TRIO: variants seen among roughly 807,000 people sequenced by gnomAD.
TRIO encodes triple functional domain protein.
TRIO carries 58 observed loss-of-function variants against 351.9 expected under a neutral mutation model. The observed-to-expected ratio is 0.16, with a 90% confidence interval of 0.13 to 0.21. The LOEUF (loss-of-function observed/expected upper bound fraction) is 0.21. Ranked by LOEUF, TRIO falls within the 10% of genes least tolerant of loss-of-function variation. TRIO has a pLI of 1.00. For synonymous variants in TRIO, 1,758 were observed against 1,595.7 expected, an observed-to-expected ratio of 1.10 and a Z score of -2.42; for missense variants, 3,201 against 4,027.8, an observed-to-expected ratio of 0.79 and a Z score of 5.56.
At chr5:14,211,964 C>CA (rs70964546) in intron 1 of TRIO, among the ~76,000 whole-genome samples, 118,205 of 148,258 alleles carry the variant, frequency 0.8, 47,842 homozygotes, top group East Asian at 0.98. Context: ...AAAAAAAAAC[C>CA]AAAAAAACAA....
chr5:14,423,544 G>T (rs1385624832), intron 34 of TRIO, among the ~76,000 whole-genome samples: 9 of 152,192 alleles, frequency 5.9e-5, no homozygotes, highest in African/African-American at 2.2e-4. Flanking sequence ...GCCCTACGCT[G>T]CCCTGCTTTT....
intron 34 of TRIO, among the ~76,000 whole-genome samples, chr5:14,449,176 G>A (rs189662628): frequency 6.6e-6 from 1 of 152,136 alleles, no homozygotes; most frequent in Admixed American, 6.5e-5. Context: ...TCTGCCAGGC[G>A]AGCCATCAAT....
intron 1 of TRIO, among the ~76,000 whole-genome samples, chr5:14,218,874 C>CT (rs1171969533): frequency 1.3e-5 from 2 of 152,262 alleles, no homozygotes; most frequent in Non-Finnish European, 2.9e-5. Flanking sequence ...CTGAAGAGGA[C>CT]TGGGATGTGG....
chr5:14,420,433 G>C (rs146600585), intron 34 of TRIO: 7 of 170,304 alleles, frequency 4.1e-5, no homozygotes, highest in African/African-American at 1.7e-4. Flanking sequence ...AACAGCTACT[G>C]AGTAGTTCTC....
intron 34 of TRIO, among the ~76,000 whole-genome samples, chr5:14,442,224 C>G (rs1027807251): frequency 6.6e-6 from 1 of 152,340 alleles, no homozygotes; most frequent in South Asian, 2.1e-4. Context: ...TGTTTGCCTT[C>G]ACTTTCTTGT....
At chr5:14,331,734 G>A (rs1035811642) in intron 10 of TRIO, among the ~76,000 whole-genome samples, 6 of 152,032 alleles carry the variant, frequency 3.9e-5, no homozygotes, top group African/African-American at 1.2e-4. Flanking sequence ...GGAAGCACTT[G>A]GATCCATTTT....
intron 21 of TRIO, 73 bp downstream of exon 21, chr5:14,381,325 A>G: frequency 4.7e-6 from 7 of 1,499,958 alleles, no homozygotes; most frequent in Non-Finnish European, 6.2e-6. Context: ...ATAAAGAAAT[A>G]CCTCATGAGA....
chr5:14,221,746 C>G (rs1290282392), intron 1 of TRIO, among the ~76,000 whole-genome samples: 48 of 151,916 alleles, frequency 3.2e-4, no homozygotes, highest in Admixed American at 3.1e-3. Context: ...CATGAATGAG[C>G]AAAGAAAGTG....
intron 34 of TRIO, among the ~76,000 whole-genome samples, chr5:14,458,017 T>G (rs1753492931): frequency 6.6e-6 from 1 of 152,150 alleles, no homozygotes; most frequent in African/African-American, 2.4e-5. Context: ...TGATTTCATT[T>G]TACTAAAATA....
Position 14,419,934 on chromosome 5 carries a change from G to A in TRIO, c.5116G>A (p.Ala1706Thr). 1 of 1,614,220 alleles carries A rather than the reference G, an allele frequency of 6.2e-7. No individual in the cohort carries two copies. Among genetic ancestry groups the A allele is most frequent in the Non-Finnish European group, 8.5e-7 (1 of 1,180,014 alleles). ...CLVRTTDRSP[A>T]AEGLVPCGSL... ...GGTGCGGACAACTGACCGCTCCCCA[G>A]CGGCAGAAGGCCTGGTCCCCTGTGG... Residue 1706 changes from alanine (A) to threonine (T), a missense_variant, in exon 34 of 57, where the codon GCG becomes ACG. Transcript: ENST00000344204.
At chr5:14,268,551 G>T (rs919629834) in intron 1 of TRIO, among the ~76,000 whole-genome samples, 1 of 152,190 alleles carries the variant, frequency 6.6e-6, no homozygotes, top group Non-Finnish European at 1.5e-5. Flanking sequence ...TGGCCATGAC[G>T]TGTGGGTGTG....
intron 34 of TRIO, among the ~76,000 whole-genome samples, chr5:14,449,942 T>C (rs1752727465): frequency 6.6e-6 from 1 of 152,236 alleles, no homozygotes. Flanking sequence ...TAAAATGAAA[T>C]GGTTTCCTGA....
rs371171398 is a variant in TRIO at position 14,298,819 on chromosome 5, AAGAT to A, written c.1368+1560_1368+1563del. 1.5e-4 allele frequency among the ~76,000 whole-genome samples: 23 copies of A among 152,356 alleles called. 1 individual carries two copies. In the South Asian group the frequency reaches 4.3e-3, roughly 29 times the overall value. On this transcript the variant is annotated intron_variant, in intron 7 of 56. Coordinates refer to ENST00000344204, the MANE Select transcript of TRIO (RefSeq NM_007118.4). ...TTGCATTTGACTAATTTTGTGATAA[AAGAT>A]AGACAAAAGCCCACACACAAAAACA...
rs76131695 is a variant in TRIO, at chr5:14,358,580, C to T, written c.2216+233C>T. Among the ~76,000 whole-genome samples the T allele has an allele frequency of 3.9e-3, 600 of 152,298 alleles. 1 individual carries two copies. The highest frequency in any genetic ancestry group is 8.1e-3 in the South Asian group (39 of 4,830). On this transcript the variant is annotated intron_variant, in intron 12 of 56. Transcript: ENST00000344204. ...TTCATAATAGTTTTCATTATAACATCGACTAATAAACCACATAATTTAATT... is the reference window on the plus strand; with the variant it reads ...TTCATAATAGTTTTCATTATAACATTGACTAATAAACCACATAATTTAATT...
intron 12 of TRIO, among the ~76,000 whole-genome samples, chr5:14,359,057 TAAG>T (rs1486357499): frequency 2.6e-5 from 4 of 152,250 alleles, no homozygotes; most frequent in Non-Finnish European, 4.4e-5. Context: ...ATTTTTTACT[TAAG>T]AAGAAAAGTG....
chr5:14,367,775 C>T (rs755283734), intron 16 of TRIO, among the ~76,000 whole-genome samples: 1 of 152,102 alleles, frequency 6.6e-6, no homozygotes, highest in Non-Finnish European at 1.5e-5. Flanking sequence ...TAATTTATTC[C>T]CTGGATTAAT....
chr5:14,474,151 A>C (rs2126565472), intron 40 of TRIO, 54 bp downstream of exon 40: 1 of 1,558,876 alleles, frequency 6.4e-7, no homozygotes, highest in African/African-American at 1.3e-5. Context: ...CACTTGCTAA[A>C]CCAAGGCAGG....
At chr5:14,414,045 C>A (rs1265417178) in intron 33 of TRIO, among the ~76,000 whole-genome samples, 1 of 152,230 alleles carries the variant, frequency 6.6e-6, no homozygotes, top group Non-Finnish European at 1.5e-5. Flanking sequence ...TTTGGTCACT[C>A]AGGAAATACA....
chr5:14,347,044 G>T (rs1173013710), intron 11 of TRIO, among the ~76,000 whole-genome samples: 1 of 151,078 alleles, frequency 6.6e-6, no homozygotes, highest in Non-Finnish European at 1.5e-5. Context: ...GTGGACCTGA[G>T]GTCCTGCAGA....
Sources: gnomAD v4.1 joint callset for allele counts (sites outside exome capture counted in the v4.1 genomes callset) on GRCh38, gnomAD v4.1.1 for gene constraint, MANE v1.5 for transcripts, NCBI Gene and HGNC (gene_info 2026-07-23, HGNC 2026-07-21) for gene names.